SPAG16: variants seen among roughly 807,000 people sequenced by gnomAD.
SPAG16 encodes sperm-associated antigen 16 protein.
Under a neutral mutation model 80.4 loss-of-function variants are expected in SPAG16, and 86 were observed. That is an observed-to-expected ratio of 1.07 (90% CI 0.90 to 1.28). The LOEUF is 1.28. Among genes scored for constraint, SPAG16 ranks in the 50% most tolerant of loss-of-function variants. The pLI, the probability that SPAG16 is intolerant of heterozygous loss-of-function variation, is 0.00. For synonymous variants in SPAG16, 294 were observed against 265.9 expected (o/e 1.11, Z -1.03); for missense variants, 870 against 765.3 (o/e 1.14, Z -1.61).
chr2:213,458,411 A>C (rs1000163077), intron 9 of SPAG16, among the ~76,000 whole-genome samples: 1 of 144,510 alleles, frequency 6.9e-6, no homozygotes, highest in African/African-American at 2.5e-5. Context: ...ACTAAAAATT[A>C]AAAAAAAAAA....
At chr2:213,557,096 T>C (rs1171504409) in intron 10 of SPAG16, among the ~76,000 whole-genome samples, 1 of 152,072 alleles carries the variant, frequency 6.6e-6, no homozygotes, top group Non-Finnish European at 1.5e-5. Context: ...TATTTGTGGG[T>C]TTTTTTCTCA....
intron 9 of SPAG16, among the ~76,000 whole-genome samples, chr2:213,430,283 G>T (rs339820): frequency 6.6e-6 from 1 of 152,098 alleles, no homozygotes; most frequent in Admixed American, 6.5e-5. Context: ...TGAATTAATC[G>T]AGTCAGACAA....
chr2:214,176,227 A>G (rs1044056494), intron 15 of SPAG16, among the ~76,000 whole-genome samples: 4 of 151,282 alleles, frequency 2.6e-5, no homozygotes, highest in Non-Finnish European at 5.9e-5. Context: ...CAAATGAACA[A>G]TATCTAAGTA....
At chr2:213,654,312 A>C (rs1209987923) in intron 10 of SPAG16, among the ~76,000 whole-genome samples, 2 of 152,122 alleles carry the variant, frequency 1.3e-5, no homozygotes, top group East Asian at 3.9e-4. Flanking sequence ...AAAATCTTTC[A>C]GGTAACTTTC....
At chr2:213,933,170 G>A (rs2106258914) in intron 12 of SPAG16, among the ~76,000 whole-genome samples, 1 of 152,086 alleles carries the variant, frequency 6.6e-6, no homozygotes, top group South Asian at 2.1e-4. Context: ...GATGAAAATG[G>A]GGTAGAAAAA....
intron 12 of SPAG16, among the ~76,000 whole-genome samples, chr2:213,937,029 A>G (rs191624924): frequency 1.3e-5 from 2 of 152,296 alleles, no homozygotes; most frequent in Admixed American, 1.3e-4. Context: ...ATATACTATT[A>G]TTTTGAAGGG....
intron 15 of SPAG16, among the ~76,000 whole-genome samples, chr2:214,407,654 A>T (rs9808122): frequency 1.2e-4 from 19 of 152,106 alleles, no homozygotes; most frequent in Non-Finnish European, 2.8e-4. Context: ...TTCTCTATAA[A>T]TGCTCCACTT....
At chr2:213,620,098 T>TAA (rs993172012) in intron 10 of SPAG16, among the ~76,000 whole-genome samples, 2 of 148,710 alleles carry the variant, frequency 1.3e-5, no homozygotes, top group Non-Finnish European at 3.0e-5. Context: ...AGGTGGGAGC[T>TAA]AAAAAAAAAG....
intron 10 of SPAG16, among the ~76,000 whole-genome samples, chr2:213,579,621 T>G (rs72940951): frequency 0.031 from 4,676 of 152,224 alleles, 97 homozygotes; most frequent in Non-Finnish European, 0.047. Context: ...AAGGAGTAAT[T>G]CTCATTTGTG....
intron 10 of SPAG16, among the ~76,000 whole-genome samples, chr2:213,660,932 G>C (rs191986586): frequency 2.9e-4 from 44 of 152,288 alleles, no homozygotes; most frequent in Admixed American, 5.2e-4. Flanking sequence ...GGCTTCCAGA[G>C]CTCAGGGCCT....
intron 10 of SPAG16, among the ~76,000 whole-genome samples, chr2:213,612,650 C>T (rs1237684699): frequency 6.6e-6 from 1 of 152,182 alleles, no homozygotes. Flanking sequence ...GCGCTCACTG[C>T]TCCACTTGAC....
At chr2:214,001,282 A>G (rs1328530442) in intron 12 of SPAG16, among the ~76,000 whole-genome samples, 1 of 152,242 alleles carries the variant, frequency 6.6e-6, no homozygotes, top group Non-Finnish European at 1.5e-5. Context: ...TATATGCCTC[A>G]AAACAATTCT....
chr2:213,994,585 T>C (rs2046429690), intron 12 of SPAG16, among the ~76,000 whole-genome samples: 1 of 152,034 alleles, frequency 6.6e-6, no homozygotes, highest in Admixed American at 6.6e-5. Context: ...TCCTTTTTTT[T>C]TTTTTTTTTA....
chr2:213,687,405 A>C (rs1237315219), intron 10 of SPAG16, among the ~76,000 whole-genome samples: 2 of 152,128 alleles, frequency 1.3e-5, no homozygotes, highest in Non-Finnish European at 2.9e-5. Context: ...CATGATTATC[A>C]TTTTACTAAA....
chr2:214,394,596 G>C (rs1279864398), intron 15 of SPAG16, among the ~76,000 whole-genome samples: 1 of 152,028 alleles, frequency 6.6e-6, no homozygotes, highest in East Asian at 1.9e-4. Context: ...TTTTAGATCA[G>C]TTTTAGTTTC....
intron 8 of SPAG16, among the ~76,000 whole-genome samples, chr2:213,371,730 A>G (rs553614844): frequency 6.6e-6 from 1 of 152,290 alleles, no homozygotes; most frequent in South Asian, 2.1e-4. Flanking sequence ...ATCTAAATTT[A>G]GGGAATAAGA....
In SPAG16 at chr2:214,170,308, TTAAAA is replaced by T. The variant is rs540706941; in HGVS notation, c.1720+21049_1720+21053del. On this transcript the variant is annotated intron_variant, in intron 15 of 15. Transcript: ENST00000331683. ...TATACATACACATATAAGATATAAA[TTAAAA>T]TAAAATTAATTAAATATATATTTAA... 4.0e-5 allele frequency among the ~76,000 whole-genome samples: 6 copies of T among 148,900 alleles called. No individual in the cohort carries two copies. In the South Asian group the frequency reaches 6.4e-4, roughly 16 times the overall value.
At chr2:213,913,982 C>G (rs1471197894) in intron 11 of SPAG16, among the ~76,000 whole-genome samples, 1 of 152,112 alleles carries the variant, frequency 6.6e-6, no homozygotes, top group Non-Finnish European at 1.5e-5. Context: ...TACTCAACAT[C>G]TACTGATTTA....
intron 5 of SPAG16, among the ~76,000 whole-genome samples, chr2:213,323,563 G>T (rs2063719218): frequency 6.6e-6 from 1 of 152,174 alleles, no homozygotes; most frequent in African/African-American, 2.4e-5. Context: ...CCGAATAAAG[G>T]TTCCTCAAAA....
Sources: gnomAD v4.1 joint callset for allele counts (sites outside exome capture counted in the v4.1 genomes callset) on GRCh38, gnomAD v4.1.1 for gene constraint, MANE v1.5 for transcripts, NCBI Gene and HGNC (gene_info 2026-07-23, HGNC 2026-07-21) for gene names.